Variants in SYT1 observed in about 807,000 individuals in gnomAD.
SYT1 encodes synaptotagmin-1.
A neutral mutation model predicts 44.8 loss-of-function variants in SYT1; 8 were observed. The observed-to-expected ratio is 0.18, with a 90% CI of 0.10 to 0.32. SYT1 has a LOEUF of 0.32. SYT1 is among the 10% of genes least tolerant of loss of function. SYT1 has a pLI of 1.00. For missense variants in SYT1, 286 were observed against 509.3 expected (o/e 0.56, Z 4.22); for synonymous variants, 154 against 188.8 (o/e 0.82, Z 1.51).
At chr12:79,134,371 G>T (rs1160437455) in intron 3 of SYT1, among the ~76,000 whole-genome samples, 1 of 152,166 alleles carries the variant, frequency 6.6e-6, no homozygotes, top group African/African-American at 2.4e-5. Context: ...CAAGGTAAAA[G>T]CTGAGGAACA....
chr12:79,034,082 A>T (rs1056563906), intron 2 of SYT1, among the ~76,000 whole-genome samples: 1 of 151,522 alleles, frequency 6.6e-6, no homozygotes, highest in African/African-American at 2.4e-5. Flanking sequence ...CATCATGTGT[A>T]GAGGAAGCTG....
chr12:78,891,326 A>C (rs1875040751), intron 1 of SYT1, among the ~76,000 whole-genome samples: 2 of 151,916 alleles, frequency 1.3e-5, no homozygotes, highest in African/African-American at 4.8e-5. Flanking sequence ...AGAAAACAGT[A>C]CATTTAGAGA....
chr12:79,053,740 A>G (rs1407068206), intron 3 of SYT1, among the ~76,000 whole-genome samples: 2 of 151,666 alleles, frequency 1.3e-5, no homozygotes, highest in Admixed American at 1.3e-4. Context: ...AGACTATATT[A>G]TTGTAAAAAT....
chr12:79,198,650 T>C (rs1373024750), intron 3 of SYT1, among the ~76,000 whole-genome samples: 1 of 152,184 alleles, frequency 6.6e-6, no homozygotes, highest in Non-Finnish European at 1.5e-5. Context: ...ATTACTTTTA[T>C]ATGAGCTTTT....
intron 3 of SYT1, among the ~76,000 whole-genome samples, chr12:79,107,625 T>C (rs1165949208): frequency 6.6e-6 from 1 of 152,046 alleles, no homozygotes; most frequent in African/African-American, 2.4e-5. Context: ...GAAAAAATTA[T>C]TCTTTGCAGA....
At chr12:79,113,418 C>T (rs1879117640) in intron 3 of SYT1, among the ~76,000 whole-genome samples, 1 of 151,956 alleles carries the variant, frequency 6.6e-6, no homozygotes, top group Non-Finnish European at 1.5e-5. Flanking sequence ...TTTGAAACTA[C>T]GTTGTATTCG....
chr12:79,041,044 A>G (rs1873526100), intron 2 of SYT1, among the ~76,000 whole-genome samples: 2 of 152,094 alleles, frequency 1.3e-5, no homozygotes, highest in Non-Finnish European at 2.9e-5. Flanking sequence ...GTGTAGTTTG[A>G]AGTCAGGTAG....
chr12:79,286,893 C>T (rs1372999829), intron 5 of SYT1, among the ~76,000 whole-genome samples: 1 of 151,332 alleles, frequency 6.6e-6, no homozygotes, highest in Non-Finnish European at 1.5e-5. Flanking sequence ...ATGTTTTCAT[C>T]AAATACAAAA....
intron 9 of SYT1, among the ~76,000 whole-genome samples, chr12:79,366,894 C>CTGTGTG (rs3995413): frequency 0.046 from 5,400 of 117,370 alleles, 184 homozygotes; most frequent in Non-Finnish European, 0.057. Flanking sequence ...ATAAATAATA[C>CTGTGTG]TGTGTGTGTG....
intron 2 of SYT1, among the ~76,000 whole-genome samples, chr12:79,029,682 A>C (rs1329097114): frequency 6.6e-6 from 1 of 151,220 alleles, no homozygotes; most frequent in Non-Finnish European, 1.5e-5. Flanking sequence ...AGGAGGTTAC[A>C]TGGTATAAGT....
At chr12:79,162,838 T>C (rs1011365473) in intron 3 of SYT1, among the ~76,000 whole-genome samples, 2 of 151,440 alleles carry the variant, frequency 1.3e-5, no homozygotes, top group African/African-American at 4.9e-5. Context: ...ATAAACTTTA[T>C]TTTATTTATG....
intron 1 of SYT1, among the ~76,000 whole-genome samples, chr12:78,906,476 TA>T (rs1478508441): frequency 6.6e-6 from 1 of 152,064 alleles, no homozygotes; most frequent in Non-Finnish European, 1.5e-5. Context: ...ATAGATGTAC[TA>T]AGTTGTAAAA....
intron 1 of SYT1, among the ~76,000 whole-genome samples, chr12:78,975,271 A>C (rs1868740557): frequency 6.6e-6 from 1 of 152,076 alleles, no homozygotes; most frequent in African/African-American, 2.4e-5. Flanking sequence ...GTAAACACTT[A>C]TGTTATACTC....
At chr12:79,209,525 G>T (rs1874316700) in intron 3 of SYT1, among the ~76,000 whole-genome samples, 1 of 152,194 alleles carries the variant, frequency 6.6e-6, no homozygotes, top group Admixed American at 6.5e-5. Context: ...GTCCTTCAGA[G>T]ATGAACTAAA....
intron 4 of SYT1, among the ~76,000 whole-genome samples, chr12:79,233,660 G>T (rs1032669513): frequency 2.0e-5 from 3 of 152,128 alleles, no homozygotes; most frequent in Non-Finnish European, 4.4e-5. Context: ...TTCTTTTCCG[G>T]ATCTGCTAAT....
intron 2 of SYT1, among the ~76,000 whole-genome samples, chr12:78,983,278 G>A (rs568044520): frequency 1.2e-4 from 19 of 152,104 alleles, no homozygotes; most frequent in African/African-American, 4.6e-4. Context: ...GGAGAAATTT[G>A]ATCCGTATAG....
At chr12:79,146,161 G>A (rs1869898974) in intron 3 of SYT1, among the ~76,000 whole-genome samples, 1 of 152,172 alleles carries the variant, frequency 6.6e-6, no homozygotes, top group African/African-American at 2.4e-5. Context: ...TTTTAATCAT[G>A]AGAATGTACA....
intron 9 of SYT1, among the ~76,000 whole-genome samples, chr12:79,378,602 G>A (rs1355340201): frequency 6.6e-6 from 1 of 152,178 alleles, no homozygotes; most frequent in Non-Finnish European, 1.5e-5. Flanking sequence ...TCTGATTCAA[G>A]AACCACTTGT....
At chr12:79,123,351 G>GT (rs1868315790) in intron 3 of SYT1, among the ~76,000 whole-genome samples, 1 of 147,528 alleles carries the variant, frequency 6.8e-6, no homozygotes, top group South Asian at 2.1e-4. Flanking sequence ...GTGTGTGTGT[G>GT]TTTAGCTATC....
Sources: gnomAD v4.1 joint callset for allele counts (sites outside exome capture counted in the v4.1 genomes callset) on GRCh38, gnomAD v4.1.1 for gene constraint, MANE v1.5 for transcripts, NCBI Gene and HGNC (gene_info 2026-07-23, HGNC 2026-07-21) for gene names.